The following MXRA7 variants were observed in gnomAD, a reference collection of about 807,000 sequenced individuals.
MXRA7 encodes the protein matrix remodeling associated 7.
MXRA7 carries 18 observed loss-of-function variants against 17.4 expected under a neutral mutation model. The observed-to-expected ratio is 1.03, with a 90% confidence interval of 0.71 to 1.53. The LOEUF is 1.53. Ranked by LOEUF, MXRA7 falls within the 40% of genes most tolerant of loss-of-function variation. The probability of loss-of-function intolerance (pLI) is 0.00; values close to 1 mark genes in which losing one functional copy is unlikely to be tolerated. For missense variants in MXRA7, 141 were observed against 209.3 expected, an observed-to-expected ratio of 0.67 and a Z score of 2.01; for synonymous variants, 70 against 101.7, an observed-to-expected ratio of 0.69 and a Z score of 1.87.
chr17:76,688,776 T>C (rs7219390), intron 1 of MXRA7: 374,904 of 889,432 alleles, frequency 0.42, 81,272 homozygotes, highest in Middle Eastern at 0.48. Context: ...CTTGCAGGAA[T>C]GTCAGAGGAT....
intron 1 of MXRA7, chr17:76,689,171 CG>C (rs2076448082): frequency 6.6e-6 from 1 of 152,222 alleles, no homozygotes; most frequent in South Asian, 2.1e-4. Context: ...CTCACTGCAA[CG>C]TCTGCCTCCT....
chr17:76,702,413 C>A (rs1353208986), intron 1 of MXRA7, among the ~76,000 whole-genome samples: 1 of 152,118 alleles, frequency 6.6e-6, no homozygotes, highest in Non-Finnish European at 1.5e-5. Flanking sequence ...GAGGCCGAGG[C>A]ATGAGGATCC....
chr17:76,688,642 G>A lies in MXRA7; in HGVS notation c.343-466C>T, dbSNP rs1450670041. ...GTTTTCCATCCCCAACTCTCTCAGTGTCCATGTTCCCAAAACTGGAGCCCC... is the reference window on the plus strand; with the variant it reads ...GTTTTCCATCCCCAACTCTCTCAGTATCCATGTTCCCAAAACTGGAGCCCC... On this transcript the variant is annotated intron_variant, in intron 1 of 3. Transcript: ENST00000449428. The A allele has an allele frequency of 5.6e-6, 7 of 1,240,238 alleles. No individual in the cohort carries two copies. The African/African-American group carries it at 1.1e-4, about 19-fold the overall frequency. The allele number at this position is 1,240,238 out of a possible 1,614,324, so 76.8% of individuals were successfully genotyped here.
At chr17:76,677,428 T>C (rs925437271), downstream of MXRA7, 16 of 590,748 alleles carry the variant, frequency 2.7e-5, no homozygotes, top group African/African-American at 2.8e-4. Context: ...TGCAAAGTAA[T>C]ATACACACTG....
intron 2 of MXRA7, among the ~76,000 whole-genome samples, chr17:76,686,231 C>A (rs1244510424): frequency 6.6e-6 from 1 of 152,206 alleles, no homozygotes; most frequent in African/African-American, 2.4e-5. Context: ...GTAATCCCAG[C>A]ACCTTGGGAG....
At chr17:76,673,956 T>C (rs2076221345) in exon 4 of MXRA7, 1 of 152,274 alleles carries the variant, frequency 6.6e-6, no homozygotes, top group Admixed American at 6.5e-5. Context: ...TAAACAGAAC[T>C]GCAGATACTG....
At chr17:76,682,011 AG>A (rs1461426397) in intron 3 of MXRA7, among the ~76,000 whole-genome samples, 1 of 152,262 alleles carries the variant, frequency 6.6e-6, no homozygotes, top group Non-Finnish European at 1.5e-5. Context: ...AGTGGCAAGC[AG>A]GATCTTAAGC....
At chr17:76,676,236 C>G (rs1283150758), downstream of MXRA7, 2 of 152,170 alleles carry the variant, frequency 1.3e-5, no homozygotes, top group African/African-American at 4.8e-5. Context: ...CCCTAAAGGC[C>G]TCTAACCTGC....
intron 3 of MXRA7, among the ~76,000 whole-genome samples, chr17:76,682,879 GCA>G (rs2076326284): frequency 6.6e-6 from 1 of 152,196 alleles, no homozygotes; most frequent in Non-Finnish European, 1.5e-5. Flanking sequence ...AGCACCTCGG[GCA>G]CAGTCTCGGT....
intron 3 of MXRA7, among the ~76,000 whole-genome samples, chr17:76,684,394 C>T (rs2076357557): frequency 6.6e-6 from 1 of 152,124 alleles, no homozygotes; most frequent in Non-Finnish European, 1.5e-5. Context: ...TGGGTGAGCA[C>T]CAGGAGCCTG....
At position 76,688,774 on chromosome 17, in the gene MXRA7, A is replaced by C. The variant is rs544646359; in HGVS notation, c.343-598T>G. 101 of 925,808 alleles carry C rather than the reference A, an allele frequency of 1.1e-4. No individual in the cohort carries two copies. The African/African-American group carries it at 1.6e-3, about 15-fold the overall frequency. The allele number at this position is 925,808 out of a possible 1,614,324, so 57.3% of individuals were successfully genotyped here. A position where few individuals can be genotyped will look rare whatever the true frequency, so the allele number is the denominator to read the frequency against. ...GGAAGAAGTGACTTCAGCTTGCAGG[A>C]ATGTCAGAGGATGAGAGCGACGTGC... On this transcript the variant is annotated intron_variant, in intron 1 of 3. Coordinates refer to ENST00000449428, the MANE Select transcript of MXRA7 (RefSeq NM_198530.4).
chr17:76,685,457 A>G (rs2286592), intron 2 of MXRA7, among the ~76,000 whole-genome samples: 44,519 of 152,146 alleles, frequency 0.29, 7,182 homozygotes, highest in Non-Finnish European at 0.37. Context: ...CCTGCCCAGC[A>G]GGTCCTCTCG....
At chr17:76,691,406 G>A (rs996588161) in intron 1 of MXRA7, among the ~76,000 whole-genome samples, 7 of 152,158 alleles carry the variant, frequency 4.6e-5, no homozygotes, top group Admixed American at 1.3e-4. Context: ...TCCGTAAGAC[G>A]CTGTAGCAAA....
intron 1 of MXRA7, among the ~76,000 whole-genome samples, chr17:76,699,648 AG>A (rs2076570910): frequency 6.6e-6 from 1 of 152,240 alleles, no homozygotes; most frequent in East Asian, 1.9e-4. Flanking sequence ...GCCACTGGGT[AG>A]GGGTGGTGGG....
downstream of MXRA7, chr17:76,679,516 G>C: frequency 1.2e-6 from 1 of 832,574 alleles, no homozygotes; most frequent in Non-Finnish European, 1.4e-6. Flanking sequence ...ACTTCAATGG[G>C]TTCAAAAGGG....
At chr17:76,710,558 C>T (rs1388387849) in intron 1 of MXRA7, 47 bp downstream of exon 1, 5 of 1,227,208 alleles carry the variant, frequency 4.1e-6, no homozygotes, top group South Asian at 2.8e-5. Flanking sequence ...CAGCGGCAGC[C>T]GGAGCCCCGG....
chr17:76,703,516 C>CG (rs1171057685), intron 1 of MXRA7: 3 of 152,018 alleles, frequency 2.0e-5, no homozygotes, highest in Admixed American at 6.6e-5. Flanking sequence ...GCTACTCGGG[C>CG]GGCTGAGGTA....
In MXRA7 at chr17:76,710,962, G is replaced by C. The variant is rs2076716233; in HGVS notation, c.-16C>G. Reference sequence around the variant, plus strand: ...GCGCCTCCATCGCGCCGCGGCCGCCGAGTGCGGGCCAGCTGGGACCCCGAG... The same window carrying C: ...GCGCCTCCATCGCGCCGCGGCCGCCCAGTGCGGGCCAGCTGGGACCCCGAG... On this transcript the variant is annotated 5_prime_UTR_variant, in exon 1 of 4. Transcript: ENST00000449428. The C allele has an allele frequency of 6.1e-6, 6 of 988,016 alleles. No homozygotes were observed. Among genetic ancestry groups the C allele is most frequent in the Non-Finnish European group, 7.2e-6 (6 of 833,806 alleles). 61.2% of individuals were successfully genotyped at this position (988,016 alleles called of 1,614,324 possible).
chr17:76,710,535 C>T, intron 1 of MXRA7, 70 bp downstream of exon 1: 1 of 1,182,966 alleles, frequency 8.5e-7, no homozygotes, highest in Non-Finnish European at 1.1e-6. Flanking sequence ...CTCCCTGGCT[C>T]GGCGGGGAAC....
Sources: allele counts gnomAD v4.1 joint callset (sites outside exome capture counted in the v4.1 genomes callset), GRCh38; gene constraint gnomAD v4.1.1; transcripts MANE v1.5; gene names NCBI Gene and HGNC (gene_info 2026-07-23, HGNC 2026-07-21).